Variants in CYP7B1 observed in about 807,000 individuals in gnomAD.
CYP7B1 encodes cytochrome P450 family 7 subfamily B member 1, also known as cytochrome P450 7B1.
A neutral mutation model predicts 42.7 loss-of-function variants in CYP7B1; 29 were observed. The observed-to-expected ratio is 0.68, with a 90% CI of 0.51 to 0.93. CYP7B1 has a LOEUF of 0.93. CYP7B1 is among the 40% of genes least tolerant of loss of function. CYP7B1 has a pLI of 0.00. For missense variants in CYP7B1, 655 were observed against 600.5 expected, an observed-to-expected ratio of 1.09 and a Z score of -0.95; for synonymous variants, 235 against 218.2, an observed-to-expected ratio of 1.08 and a Z score of -0.68.
chr8:64,649,512 G>A (rs943067599), intron 1 of CYP7B1, among the ~76,000 whole-genome samples: 39 of 152,214 alleles, frequency 2.6e-4, no homozygotes, highest in African/African-American at 9.2e-4. Context: ...TAATGCTGCA[G>A]TGAACATTAG....
At chr8:64,784,652 C>A (rs138672691) in intron 1 of CYP7B1, among the ~76,000 whole-genome samples, 409 of 152,214 alleles carry the variant, frequency 2.7e-3, no homozygotes, top group African/African-American at 9.2e-3. Context: ...AGATTCAAAT[C>A]CAGGAATGTT....
intron 1 of CYP7B1, among the ~76,000 whole-genome samples, chr8:64,633,736 G>T (rs1261387090): frequency 6.6e-6 from 1 of 152,076 alleles, no homozygotes; most frequent in Non-Finnish European, 1.5e-5. Context: ...CAAAATTCTA[G>T]TAAGATGTTT....
At chr8:64,686,738 G>C (rs1320460209) in intron 1 of CYP7B1, among the ~76,000 whole-genome samples, 2 of 77,068 alleles carry the variant, frequency 2.6e-5, no homozygotes, top group African/African-American at 1.1e-4. Flanking sequence ...CCCTGTCTGT[G>C]TAGAAAGAAG....
At chr8:64,692,054 T>A (rs946202967) in intron 1 of CYP7B1, among the ~76,000 whole-genome samples, 11 of 152,126 alleles carry the variant, frequency 7.2e-5, no homozygotes, top group Admixed American at 7.2e-4. Flanking sequence ...AACTCACAGA[T>A]GAAGTGGAAA....
chr8:64,664,724 G>C (rs1374575740), intron 1 of CYP7B1, among the ~76,000 whole-genome samples: 2 of 152,200 alleles, frequency 1.3e-5, no homozygotes, highest in African/African-American at 4.8e-5. Flanking sequence ...CCTGTGATGA[G>C]GACAGGGCCG....
In CYP7B1 at chr8:64,607,565, T is replaced by G. The variant is rs376717393; in HGVS notation, c.1058-2708A>C. Among the ~76,000 whole-genome samples the G allele has an allele frequency of 3.9e-5, 6 of 152,182 alleles. No homozygotes were observed. In the East Asian group the frequency reaches 7.7e-4, roughly 20 times the overall value. ...GCTGCTGAGGCAAAGCTGGGTGACT[T>G]GGGTCTGGCCTGCCACCAGCTTGTG... On this transcript the variant is annotated intron_variant, in intron 4 of 5. Coordinates refer to ENST00000310193, the MANE Select transcript of CYP7B1 (RefSeq NM_004820.5).
rs1202834529 is a variant in CYP7B1, at chr8:64,707,248, T to C, written c.123-82709A>G. 3.3e-5 allele frequency among the ~76,000 whole-genome samples: 5 copies of C among 152,178 alleles called. No individual in the cohort carries two copies. In the East Asian group the frequency reaches 9.7e-4, roughly 29 times the overall value. On this transcript the variant is annotated intron_variant, in intron 1 of 5. Coordinates refer to ENST00000310193, the MANE Select transcript of CYP7B1 (RefSeq NM_004820.5). ...AAAATGAATATTGGAGACAATGTCATTTCCCAAATTCCAGAGTCTAATATC... is the reference window on the plus strand; with the variant it reads ...AAAATGAATATTGGAGACAATGTCACTTCCCAAATTCCAGAGTCTAATATC...
chr8:64,738,884 G>A (rs1807529142), intron 1 of CYP7B1, among the ~76,000 whole-genome samples: 1 of 152,112 alleles, frequency 6.6e-6, no homozygotes, highest in African/African-American at 2.4e-5. Flanking sequence ...TTCCTGGGGG[G>A]TGAGTGTGGA....
At chr8:64,652,933 G>T (rs976391970) in intron 1 of CYP7B1, among the ~76,000 whole-genome samples, 19 of 152,130 alleles carry the variant, frequency 1.2e-4, no homozygotes, top group African/African-American at 3.4e-4. Context: ...CAGACATAAA[G>T]AAGTTCTTTG....
At chr8:64,674,835 A>G (rs188724725) in intron 1 of CYP7B1, among the ~76,000 whole-genome samples, 5 of 152,250 alleles carry the variant, frequency 3.3e-5, no homozygotes, top group Non-Finnish European at 7.4e-5. Flanking sequence ...ATCTTTGTTT[A>G]GTTGTAACTA....
intron 1 of CYP7B1, among the ~76,000 whole-genome samples, chr8:64,697,625 T>A (rs1326435061): frequency 1.3e-5 from 2 of 152,182 alleles, no homozygotes; most frequent in Non-Finnish European, 2.9e-5. Flanking sequence ...TTTTTGTGCC[T>A]TATCTAGGAG....
intron 1 of CYP7B1, among the ~76,000 whole-genome samples, chr8:64,724,574 T>C (rs945575736): frequency 3.9e-5 from 6 of 152,218 alleles, no homozygotes; most frequent in Non-Finnish European, 7.3e-5. Flanking sequence ...TTTTCACAAA[T>C]AAAGAAGAGA....
intron 1 of CYP7B1, among the ~76,000 whole-genome samples, chr8:64,637,423 G>A (rs993807449): frequency 2.6e-5 from 4 of 152,142 alleles, no homozygotes; most frequent in African/African-American, 7.2e-5. Context: ...CAGTGTTTTG[G>A]TGTTGTCATG....
intron 1 of CYP7B1, among the ~76,000 whole-genome samples, chr8:64,730,064 G>T (rs1807385587): frequency 6.6e-6 from 1 of 151,738 alleles, no homozygotes; most frequent in African/African-American, 2.4e-5. Flanking sequence ...TTATTTTATT[G>T]ATTGATTGAT....
chr8:64,725,585 G>A (rs1478533716), intron 1 of CYP7B1, among the ~76,000 whole-genome samples: 1 of 152,186 alleles, frequency 6.6e-6, no homozygotes, highest in Non-Finnish European at 1.5e-5. Context: ...GCTGGATTCA[G>A]GCTGAAGTAG....
chr8:64,608,990 C>G (rs1805326914), intron 4 of CYP7B1, among the ~76,000 whole-genome samples: 1 of 152,122 alleles, frequency 6.6e-6, no homozygotes, highest in African/African-American at 2.4e-5. Flanking sequence ...AGGCCCTACT[C>G]TGCTTGGAGC....
At chr8:64,652,411 C>A (rs1403049997) in intron 1 of CYP7B1, among the ~76,000 whole-genome samples, 3 of 152,130 alleles carry the variant, frequency 2.0e-5, no homozygotes, top group Non-Finnish European at 4.4e-5. Context: ...CTAAAATTGA[C>A]CACATAATTG....
At chr8:64,732,850 A>C (rs1563408595) in intron 1 of CYP7B1, 1 of 152,500 alleles carries the variant, frequency 6.6e-6, no homozygotes, top group Non-Finnish European at 1.5e-5. Flanking sequence ...TTTGCTCTGC[A>C]CTTCTCCTTC....
At chr8:64,638,704 G>C (rs1322969156) in intron 1 of CYP7B1, among the ~76,000 whole-genome samples, 9 of 152,012 alleles carry the variant, frequency 5.9e-5, no homozygotes, top group Non-Finnish European at 5.9e-5. Context: ...TTATTTCACT[G>C]TGTTGTTCCC....
Sources: allele counts gnomAD v4.1 joint callset (sites outside exome capture counted in the v4.1 genomes callset), GRCh38; gene constraint gnomAD v4.1.1; transcripts MANE v1.5; gene names NCBI Gene and HGNC (gene_info 2026-07-23, HGNC 2026-07-21).